Variants in TSEN2 observed in about 807,000 individuals in gnomAD.
The protein encoded by TSEN2 is tRNA-splicing endonuclease subunit Sen2.
In TSEN2, 54 loss-of-function variants were observed where a neutral mutation model predicts 59.2. The ratio of observed to expected loss-of-function variants is 0.91; its 90% CI spans 0.73 to 1.14. The LOEUF (loss-of-function observed/expected upper bound fraction) is 1.14. Ranked by LOEUF, TSEN2 falls within the 50% of genes most tolerant of loss-of-function variation. The pLI is 0.00. For missense variants in TSEN2, 636 were observed against 576.2 expected (o/e 1.10, Z -1.06); for synonymous variants, 195 against 198.2 (o/e 0.98, Z 0.14).
rs747091935 is a variant in TSEN2, at chr3:12,493,960, C to T, written c.271+1743C>T. Among the ~76,000 whole-genome samples the T allele has an allele frequency of 6.8e-4, 103 of 152,228 alleles. No homozygotes were observed. The Middle Eastern group carries it at 0.017, about 25-fold the overall frequency. On this transcript the variant is annotated intron_variant, in intron 3 of 11. Transcript: ENST00000284995. ...TTTTAAGAGGTTTATAGTTTGAACT[C>T]TTAAGTTTAGGTCTTTGGTCCATTT...
chr3:12,518,404 G>T (rs1024936308), intron 7 of TSEN2, among the ~76,000 whole-genome samples: 9 of 152,142 alleles, frequency 5.9e-5, no homozygotes, highest in Non-Finnish European at 1.3e-4. Context: ...GTTACAGTGA[G>T]CCCCCTGCAT....
intron 10 of TSEN2, chr3:12,530,517 G>C: frequency 4.1e-6 from 4 of 985,490 alleles, no homozygotes; most frequent in Non-Finnish European, 4.8e-6. Context: ...AAAGAAAGCT[G>C]TGTGTGTTCT....
At chr3:12,493,581 G>A (rs957868068) in intron 3 of TSEN2, among the ~76,000 whole-genome samples, 5 of 152,130 alleles carry the variant, frequency 3.3e-5, no homozygotes, top group Non-Finnish European at 5.9e-5. Context: ...ACAAAAATTA[G>A]CCGGGCATGG....
chr3:12,525,524 TCCC>T, intron 8 of TSEN2, among the ~76,000 whole-genome samples: 1 of 151,416 alleles, frequency 6.6e-6, no homozygotes, highest in Non-Finnish European at 1.5e-5. Flanking sequence ...CCTTTTATAC[TCCC>T]TGTTCTTTCA....
chr3:12,516,407 A>G (rs1282239624), intron 6 of TSEN2, among the ~76,000 whole-genome samples: 23 of 151,990 alleles, frequency 1.5e-4, no homozygotes, highest in African/African-American at 4.3e-4. Flanking sequence ...CCTGGACGAC[A>G]GAGTGAGACT....
chr3:12,524,856 C>T (rs1377575957), intron 8 of TSEN2, among the ~76,000 whole-genome samples: 2 of 151,336 alleles, frequency 1.3e-5, no homozygotes, highest in Admixed American at 6.6e-5. Context: ...GATTCTCCTG[C>T]CTCAGCCTCC....
chr3:12,508,088 AGCATCAGTATGGAGGGTGG>A (rs1337121071), intron 6 of TSEN2, among the ~76,000 whole-genome samples: 1 of 152,182 alleles, frequency 6.6e-6, no homozygotes, highest in African/African-American at 2.4e-5. Context: ...GACCAGAGCT[AGCATCAGTATGGAGGGTGG>A]GCTGGAGGCC....
In TSEN2 at chr3:12,519,164, C is replaced by A; in HGVS notation, c.1066C>A (p.Pro356Thr). ...YHYFRSKGWV[P>T]KVGLKYGTDL... ...TTACTTTCGAAGCAAGGGCTGGGTG[C>A]CCAAAGTGGGACTCAAGTACGGGAC... The change falls in exon 8 of 12, where the codon CCC (proline) becomes ACC (threonine). Residue 356 changes from proline (P) to threonine (T), a missense_variant. Physicochemically the swap from Pro to Thr is conservative, Grantham distance 38 (BLOSUM62 -1). Coordinates refer to ENST00000284995, the MANE Select transcript of TSEN2 (RefSeq NM_025265.4). 6.2e-7 allele frequency: 1 copy of A among 1,614,198 alleles called. No homozygotes were observed. Among genetic ancestry groups the A allele is most frequent in the Non-Finnish European group, 8.5e-7 (1 of 1,180,042 alleles).
chr3:12,506,628 A>G (rs2054869054), intron 6 of TSEN2: 3 of 942,428 alleles, frequency 3.2e-6, no homozygotes, highest in Non-Finnish European at 3.8e-6. Context: ...AAACTGCATC[A>G]TATTGTCCCA....
rs2056789332 is a variant in TSEN2 at position 12,523,230 on chromosome 3, G to A, written c.1099+4033G>A. On this transcript the variant is annotated intron_variant, in intron 8 of 11. Coordinates refer to ENST00000284995, the MANE Select transcript of TSEN2 (RefSeq NM_025265.4). ...TTGATTTGATTTGGTGTGACCCAAAGGTCTGGTTACTCCTAAGCCTCCTTC... is the reference window on the plus strand; with the variant it reads ...TTGATTTGATTTGGTGTGACCCAAAAGTCTGGTTACTCCTAAGCCTCCTTC... Among the ~76,000 whole-genome samples, 3 of 152,112 alleles carry A rather than the reference G, an allele frequency of 2.0e-5. No individual in the cohort carries two copies. In the South Asian group the frequency reaches 6.2e-4, roughly 32 times the overall value.
At chr3:12,491,860 T>G (rs2053245829) in intron 2 of TSEN2, among the ~76,000 whole-genome samples, 1 of 152,216 alleles carries the variant, frequency 6.6e-6, no homozygotes, top group African/African-American at 2.4e-5. Flanking sequence ...TTTTCTTATA[T>G]TAAACAATAT....
intron 1 of TSEN2, among the ~76,000 whole-genome samples, chr3:12,488,909 T>C (rs977745462): frequency 1.3e-5 from 2 of 152,222 alleles, no homozygotes; most frequent in Non-Finnish European, 2.9e-5. Flanking sequence ...CAAATCTCTC[T>C]AACCTGAATC....
At chr3:12,528,793 G>A (rs1559362164) in intron 8 of TSEN2, 95 bp from the exon 9 acceptor site, 5 of 1,315,770 alleles carry the variant, frequency 3.8e-6, no homozygotes, top group Non-Finnish European at 5.4e-6. Flanking sequence ...TCCTTTTGGA[G>A]AAGAAAAGTT....
At chr3:12,498,365 A>G (rs1168759680) in intron 4 of TSEN2, among the ~76,000 whole-genome samples, 1 of 151,998 alleles carries the variant, frequency 6.6e-6, no homozygotes, top group Non-Finnish European at 1.5e-5. Context: ...CCTGGCATGA[A>G]CTCAATCTGC....
downstream of TSEN2, among the ~76,000 whole-genome samples, chr3:12,535,623 C>T (rs2057657623): frequency 1.3e-5 from 2 of 152,126 alleles, no homozygotes; most frequent in Non-Finnish European, 2.9e-5. Flanking sequence ...CCTCCACTTC[C>T]TGAGTTCAAG....
intron 10 of TSEN2, 31 bp from the exon 11 acceptor site, chr3:12,531,539 G>T (rs1192893599): frequency 1.4e-6 from 2 of 1,445,832 alleles, no homozygotes; most frequent in South Asian, 2.3e-5. Context: ...TATTTTGTAG[G>T]ATACAGAAGT....
At chr3:12,532,290 A>C (rs1161709843) in intron 11 of TSEN2, among the ~76,000 whole-genome samples, 1 of 152,116 alleles carries the variant, frequency 6.6e-6, no homozygotes, top group African/African-American at 2.4e-5. Context: ...AGTTTCTCAT[A>C]AAATGCTCAT....
rs1209228819 is a variant in TSEN2, at chr3:12,532,855, A to C, written c.*134A>C. The C allele has an allele frequency of 3.6e-6, 3 of 827,192 alleles. No homozygotes were observed. In the East Asian group the frequency reaches 7.8e-5, roughly 22 times the overall value. The allele number at this position is 827,192 out of a possible 1,614,324, so 51.2% of individuals were successfully genotyped here. A position where few individuals can be genotyped will look rare whatever the true frequency, so the allele number is the denominator to read the frequency against. ...GTGCTCCCAGCACCAGAAAACTATC[A>C]GTGTTTTTAAAGATAAATTACACAA... On this transcript the variant is annotated 3_prime_UTR_variant, in exon 12 of 12. Coordinates refer to ENST00000284995, the MANE Select transcript of TSEN2 (RefSeq NM_025265.4).
chr3:12,486,746 A>G (rs923604959), intron 1 of TSEN2, among the ~76,000 whole-genome samples: 3 of 152,150 alleles, frequency 2.0e-5, no homozygotes, highest in Non-Finnish European at 4.4e-5. Context: ...TGTCTCTGGC[A>G]ACTGGTAATC....
Sources: gnomAD v4.1 joint callset for allele counts (sites outside exome capture counted in the v4.1 genomes callset) on GRCh38, gnomAD v4.1.1 for gene constraint, MANE v1.5 for transcripts, NCBI Gene and HGNC (gene_info 2026-07-23, HGNC 2026-07-21) for gene names.